The following MEIOSIN variants were observed in gnomAD, a reference collection of about 807,000 sequenced individuals.
MEIOSIN encodes meiosis initiator protein.
In MEIOSIN, 18 loss-of-function variants were observed where a neutral mutation model predicts 23.4. The ratio of observed to expected loss-of-function variants is 0.77; its 90% confidence interval spans 0.53 to 1.14. The LOEUF (loss-of-function observed/expected upper bound fraction) is 1.14, where lower values mean the gene tolerates loss of function less well. Ranked by LOEUF, MEIOSIN falls within the 50% of genes most tolerant of loss-of-function variation. The pLI is 0.00. For synonymous variants in MEIOSIN, 187 were observed against 100.6 expected, an observed-to-expected ratio of 1.86 and a Z score of -5.14; for missense variants, 428 against 242.9, an observed-to-expected ratio of 1.76 and a Z score of -5.07.
At position 45,760,543 on chromosome 19, in the gene MEIOSIN, T is replaced by C. The variant is rs145411393; in HGVS notation, c.1245+1053T>C. Among the ~76,000 whole-genome samples the C allele has an allele frequency of 3.8e-3, 566 of 149,628 alleles. 1 individual carries two copies. Among genetic ancestry groups the C allele is most frequent in the South Asian group, 0.015 (70 of 4,690 alleles). ...ATCGCTTAAACCTGGGAGGCGGGGG[T>C]TGCAGTAAGCCAAGATGGCACCGTT... On this transcript the variant is annotated intron_variant, in intron 11 of 14. Coordinates refer to ENST00000457052, the MANE Select transcript of MEIOSIN (RefSeq NM_001310124.2).
At chr19:45,750,863 C>T (rs1162077140) in intron 5 of MEIOSIN, 77 bp downstream of exon 5, 1 of 489,600 alleles carries the variant, frequency 2.0e-6, no homozygotes, top group Non-Finnish European at 3.6e-6. Context: ...TACTGAGTGA[C>T]CCTTCTGTCA....
intron 4 of MEIOSIN, among the ~76,000 whole-genome samples, chr19:45,750,445 C>T (rs913791573): frequency 2.0e-5 from 3 of 150,920 alleles, no homozygotes; most frequent in Non-Finnish European, 4.4e-5. Flanking sequence ...CTGCAACCTC[C>T]GCCTCACGGG....
intron 3 of MEIOSIN, among the ~76,000 whole-genome samples, chr19:45,744,851 T>C (rs1349433672): frequency 6.6e-6 from 1 of 152,080 alleles, no homozygotes; most frequent in Non-Finnish European, 1.5e-5. Flanking sequence ...CGTGGTCAGA[T>C]TTGTGTTTCA....
chr19:45,757,479 G>A (rs927547137), intron 9 of MEIOSIN, among the ~76,000 whole-genome samples: 1 of 152,168 alleles, frequency 6.6e-6, no homozygotes, highest in East Asian at 1.9e-4. Context: ...CTCTTTCCTT[G>A]AGCCCAGACA....
At chr19:45,756,797 A>T (rs1242493534) in intron 8 of MEIOSIN, among the ~76,000 whole-genome samples, 1 of 151,662 alleles carries the variant, frequency 6.6e-6, no homozygotes, top group Non-Finnish European at 1.5e-5. Context: ...CCTGCCCTTC[A>T]CCCATGACTC....
At chr19:45,744,861 A>G (rs925678726) in intron 3 of MEIOSIN, among the ~76,000 whole-genome samples, 3 of 152,176 alleles carry the variant, frequency 2.0e-5, no homozygotes, top group Non-Finnish European at 2.9e-5. Context: ...TTTGTGTTTC[A>G]GAAAGGTCAC....
chr19:45,754,184 C>G (rs1445102115), intron 6 of MEIOSIN, among the ~76,000 whole-genome samples: 1 of 152,162 alleles, frequency 6.6e-6, no homozygotes, highest in Non-Finnish European at 1.5e-5. Flanking sequence ...GCCATGTTGG[C>G]CAGGCTGGTC....
chr19:45,734,894 T>C (rs1023572592), intron 1 of MEIOSIN, among the ~76,000 whole-genome samples: 4 of 151,578 alleles, frequency 2.6e-5, no homozygotes, highest in Non-Finnish European at 4.4e-5. Flanking sequence ...TAGGGGTTTG[T>C]TTTTGTTTTT....
chr19:45,748,768 G>A (rs1485973655), intron 4 of MEIOSIN, among the ~76,000 whole-genome samples: 1 of 152,100 alleles, frequency 6.6e-6, no homozygotes, highest in African/African-American at 2.4e-5. Context: ...GAGATAATAA[G>A]CTTAAAAAGA....
At chr19:45,747,727 T>C (rs887836061) in intron 4 of MEIOSIN, among the ~76,000 whole-genome samples, 1 of 152,118 alleles carries the variant, frequency 6.6e-6, no homozygotes, top group Non-Finnish European at 1.5e-5. Context: ...CTGAGGAAAC[T>C]GAAGTGCAGA....
At position 45,757,164 on chromosome 19, in the gene MEIOSIN, C is replaced by T. The variant is rs74416487; in HGVS notation, c.912-13C>T. On this transcript the variant is annotated splice_polypyrimidine_tract_variant and intron_variant, in intron 8 of 14. Transcript: ENST00000457052. ...AGTCTGTGAGTCTGACTCTGAAACT[C>T]CACCTCTTGCAGGCAGAAGCTGGTG... The T allele has an allele frequency of 5.3e-3, 3,694 of 702,630 alleles. 98 individuals carry two copies. The African/African-American group carries it at 0.057, about 11-fold the overall frequency. 43.5% of individuals were successfully genotyped at this position (702,630 alleles called of 1,614,324 possible).
Position 45,733,439 on chromosome 19 carries a change from A to C in MEIOSIN, c.-228A>C, listed in dbSNP as rs1183498399. The C allele has an allele frequency of 6.6e-6, 1 of 152,162 alleles. No individual in the cohort carries two copies. The highest frequency in any genetic ancestry group is 1.5e-5 in the Non-Finnish European group (1 of 68,050). The allele number at this position is 152,162 out of a possible 1,614,324, so 9.4% of individuals were successfully genotyped here. A position where few individuals can be genotyped will look rare whatever the true frequency, so the allele number is the denominator to read the frequency against. On this transcript the variant is annotated 5_prime_UTR_variant, in exon 1 of 15. Coordinates refer to ENST00000457052, the MANE Select transcript of MEIOSIN (RefSeq NM_001310124.2). The surrounding 1 kb of genome is among the most constrained non-coding windows in gnomAD (Gnocchi z 5.7). ...GGGCGTGGCCTGGCCTCAGGAACGC[A>C]CTCTTGCTCTGCTCCTCACGCCTCG...
At chr19:45,763,837 G>T (rs1968999558) in intron 14 of MEIOSIN, 134 bp from the exon 15 acceptor site, 1 of 397,652 alleles carries the variant, frequency 2.5e-6, no homozygotes, top group Non-Finnish European at 4.4e-6. Context: ...ACTGGGACTT[G>T]GTGGACCCAA....
chr19:45,742,530 A>G (rs1968524031), intron 3 of MEIOSIN, among the ~76,000 whole-genome samples: 1 of 152,068 alleles, frequency 6.6e-6, no homozygotes, highest in Non-Finnish European at 1.5e-5. Flanking sequence ...CTGTAATCCT[A>G]GCACTTTGGG....
intron 9 of MEIOSIN, among the ~76,000 whole-genome samples, chr19:45,757,560 G>T (rs1337762724): frequency 6.6e-6 from 1 of 152,134 alleles, no homozygotes; most frequent in African/African-American, 2.4e-5. Flanking sequence ...TCACTCTGTC[G>T]TCCAAGCTGG....
chr19:45,755,892 AC>A lies in MEIOSIN; in HGVS notation c.803-74del, dbSNP rs1968815945. Reference sequence around the variant, plus strand: ...GAGAGGGTGTGTGGCAGAAGCTGGCACCCCTTTGTCCCCTGCTTCTGGGCTT... The same window carrying A: ...GAGAGGGTGTGTGGCAGAAGCTGGCACCCTTTGTCCCCTGCTTCTGGGCTT... On this transcript the variant is annotated intron_variant, in intron 7 of 14. Coordinates refer to ENST00000457052, the MANE Select transcript of MEIOSIN (RefSeq NM_001310124.2). 8 of 652,184 alleles carry A rather than the reference AC, an allele frequency of 1.2e-5. No homozygotes were observed. In the South Asian group the frequency reaches 1.3e-4, roughly 11 times the overall value. The allele number at this position is 652,184 out of a possible 1,614,324, so 40.4% of individuals were successfully genotyped here. A position where few individuals can be genotyped will look rare whatever the true frequency, so the allele number is the denominator to read the frequency against.
intron 11 of MEIOSIN, among the ~76,000 whole-genome samples, chr19:45,760,594 G>A (rs550093458): frequency 4.0e-5 from 6 of 150,770 alleles, no homozygotes; most frequent in Admixed American, 3.3e-4. Context: ...CAACAAGAGC[G>A]AAACCCAGTC....
intron 3 of MEIOSIN, among the ~76,000 whole-genome samples, chr19:45,740,101 G>T (rs1236540148): frequency 6.6e-6 from 1 of 152,092 alleles, no homozygotes; most frequent in Non-Finnish European, 1.5e-5. Flanking sequence ...TGCCTGCCTT[G>T]GCCTCCCAAG....
intron 14 of MEIOSIN, 56 bp downstream of exon 14, chr19:45,763,483 G>A (rs924380646): frequency 2.8e-5 from 11 of 398,376 alleles, no homozygotes; most frequent in Middle Eastern, 6.2e-4. Context: ...TCCCTACCCC[G>A]GAACCCTGCT....
Sources: gnomAD v4.1 joint callset for allele counts (sites outside exome capture counted in the v4.1 genomes callset) on GRCh38, gnomAD v4.1.1 for gene constraint, Gnocchi (gnomAD v3.1) non-coding constraint, MANE v1.5 for transcripts, NCBI Gene and HGNC (gene_info 2026-07-23, HGNC 2026-07-21) for gene names.